Variants in MGST1 observed in about 807,000 individuals in gnomAD.
MGST1 encodes the protein microsomal glutathione S-transferase 1.
In MGST1, 5 loss-of-function variants were observed where a neutral mutation model predicts 8.9. The observed-to-expected ratio is 0.56, with a 90% CI of 0.29 to 1.19. MGST1 has a LOEUF of 1.19. MGST1 is among the 50% of genes most tolerant of loss of function. The pLI, the probability that MGST1 is intolerant of heterozygous loss-of-function variation, is 0.08. For synonymous variants in MGST1, 54 were observed against 67.8 expected (o/e 0.80, Z 1.00); for missense variants, 182 against 187.4 (o/e 0.97, Z 0.17).
rs151253685 is a variant in MGST1, at chr12:16,357,152, T to G, written c.127-453T>G. Among the ~76,000 whole-genome samples, 9 of 152,368 alleles carry G rather than the reference T, an allele frequency of 5.9e-5. No homozygotes were observed. In the East Asian group the frequency reaches 1.7e-3, roughly 29 times the overall value. ...TAACTATAGATGCCTTCTTCTCCTC[T>G]TGTGTTTGATTTATTGCTCCAAATG... On this transcript the variant is annotated intron_variant, in intron 2 of 3. Transcript: ENST00000396210.
intron 1 of MGST1, chr12:16,402,374 C>G: frequency 6.2e-7 from 1 of 1,604,276 alleles, no homozygotes; most frequent in Non-Finnish European, 8.5e-7. Context: ...GCTGTACAGT[C>G]TCTTCACTCA....
At chr12:16,505,594 G>A (rs1941533073) in intron 4 of MGST1, among the ~76,000 whole-genome samples, 1 of 152,064 alleles carries the variant, frequency 6.6e-6, no homozygotes, top group East Asian at 1.9e-4. Context: ...GCAATTTCAT[G>A]GAATCATTTC....
At chr12:16,409,369 CAG>C (rs1282506889) in intron 1 of MGST1, among the ~76,000 whole-genome samples, 1 of 152,066 alleles carries the variant, frequency 6.6e-6, no homozygotes, top group Admixed American at 6.6e-5. Context: ...GATCAGAAAA[CAG>C]AGCCTTTATT....
intron 4 of MGST1, among the ~76,000 whole-genome samples, chr12:16,466,821 C>T (rs1409445983): frequency 6.6e-6 from 1 of 152,128 alleles, no homozygotes; most frequent in Non-Finnish European, 1.5e-5. Context: ...TGGCCTCAAA[C>T]TTTGAACACT....
chr12:16,512,747 A>G (rs1163559430), intron 4 of MGST1, among the ~76,000 whole-genome samples: 1 of 152,260 alleles, frequency 6.6e-6, no homozygotes, highest in Non-Finnish European at 1.5e-5. Flanking sequence ...CTTGTCTATT[A>G]CATAAATAAA....
rs1300711639 is a variant in MGST1, at chr12:16,560,513, C to T, written n.483-29015C>T. The T allele has an allele frequency of 3.1e-6, 5 of 1,612,906 alleles. No individual in the cohort carries two copies. Among genetic ancestry groups the T allele is most frequent in the African/African-American group, 1.3e-5 (1 of 74,738 alleles). On this transcript the variant is annotated intron_variant and non_coding_transcript_variant, in intron 4 of 4. Coordinates refer to the MGST1 transcript ENST00000538857. The surrounding 1 kb of genome is among the most constrained non-coding windows in gnomAD (Gnocchi z 5.0). ...GCAGGGATGAGCTTACTACAGGCAG[C>T]GCAGTTTCCCGTTACACCAAAGAGC...
At position 16,363,550 on chromosome 12, in the gene MGST1, C is replaced by T. The variant is rs990181542; in HGVS notation, c.222-245C>T. On this transcript the variant is annotated intron_variant, in intron 3 of 3. Transcript: ENST00000396210. The surrounding 1 kb of genome is among the most constrained non-coding windows in gnomAD (Gnocchi z 4.6). ...AGATGTCGTTTTGATATTCTAGGAA[C>T]TACAAAATGCCTTCTGTGATATTTA... The T allele has an allele frequency of 1.8e-5, 5 of 272,526 alleles. No homozygotes were observed. Among genetic ancestry groups the T allele is most frequent in the Non-Finnish European group, 3.4e-5 (5 of 146,528 alleles). 16.9% of individuals were successfully genotyped at this position (272,526 alleles called of 1,614,324 possible).
chr12:16,532,308 G>A (rs1436185256), intron 4 of MGST1, among the ~76,000 whole-genome samples: 1 of 152,014 alleles, frequency 6.6e-6, no homozygotes, highest in Non-Finnish European at 1.5e-5. Flanking sequence ...CATAAAAAAC[G>A]CCAAGGCCAG....
At chr12:16,480,121 TTAAAA>T (rs1941354665) in intron 4 of MGST1, among the ~76,000 whole-genome samples, 1 of 151,506 alleles carries the variant, frequency 6.6e-6, no homozygotes, top group Non-Finnish European at 1.5e-5. Flanking sequence ...CTGGATTTCA[TTAAAA>T]TAAAATAAAA....
downstream of MGST1, among the ~76,000 whole-genome samples, chr12:16,366,228 A>G (rs1940185464): frequency 6.6e-6 from 1 of 152,246 alleles, no homozygotes; most frequent in South Asian, 2.1e-4. The surrounding 1 kb of genome is among the most constrained non-coding windows in gnomAD (Gnocchi z 4.0). Flanking sequence ...GCAAAAGTCT[A>G]GGGATTACCC....
At chr12:16,531,067 G>A (rs1265634126) in intron 4 of MGST1, among the ~76,000 whole-genome samples, 3 of 148,550 alleles carry the variant, frequency 2.0e-5, no homozygotes, top group African/African-American at 7.5e-5. Context: ...GAATAGTGGT[G>A]CTTTTAGTAG....
At chr12:16,464,989 C>CTGTTATAG (rs1941243839) in intron 4 of MGST1, among the ~76,000 whole-genome samples, 1 of 152,144 alleles carries the variant, frequency 6.6e-6, no homozygotes, top group African/African-American at 2.4e-5. Context: ...GTTGTTTATA[C>CTGTTATAG]TTGGAATAAC....
chr12:16,399,971 T>C (rs1001508750), intron 1 of MGST1: 2 of 1,367,956 alleles, frequency 1.5e-6, no homozygotes, highest in African/African-American at 2.9e-5. Flanking sequence ...GCACTACTAG[T>C]GGGCTGAAGG....
rs1941879409 is a variant in MGST1, at chr12:16,548,746, T to C, written n.483-40782T>C. 6.6e-6 allele frequency: 1 copy of C among 152,160 alleles called. No individual in the cohort carries two copies. The highest frequency in any genetic ancestry group is 1.5e-5 in the Non-Finnish European group (1 of 68,026). The allele number at this position is 152,160 out of a possible 1,614,324, so 9.4% of individuals were successfully genotyped here. A position where few individuals can be genotyped will look rare whatever the true frequency, so the allele number is the denominator to read the frequency against. On this transcript the variant is annotated intron_variant and non_coding_transcript_variant, in intron 4 of 4. Transcript: ENST00000538857. The surrounding 1 kb of genome is among the most constrained non-coding windows in gnomAD (Gnocchi z 4.2). ...TCAGGTCAATAAATGCTACAATTTA[T>C]GGGCAATTAGCTGTAAAATGGCCTA...
At chr12:16,353,852 C>T (rs562034469) in intron 1 of MGST1, among the ~76,000 whole-genome samples, 13 of 151,346 alleles carry the variant, frequency 8.6e-5, no homozygotes, top group South Asian at 6.3e-4. Context: ...CTCCGCCTCC[C>T]GGATTTAAGC....
intron 4 of MGST1, among the ~76,000 whole-genome samples, chr12:16,483,214 A>AT (rs919756916): frequency 5.3e-5 from 8 of 151,922 alleles, no homozygotes; most frequent in East Asian, 1.9e-4. Flanking sequence ...TCATTAAGAG[A>AT]TTTTTTCAAG....
exon 1 of MGST1, chr12:16,383,426 T>A (rs538222263): frequency 2.0e-5 from 3 of 152,274 alleles, no homozygotes; most frequent in African/African-American, 7.2e-5. Context: ...ATTTATATAT[T>A]TTTTTCCAAG....
intron 4 of MGST1, among the ~76,000 whole-genome samples, chr12:16,443,937 T>C (rs1941058307): frequency 6.6e-6 from 1 of 151,950 alleles, no homozygotes; most frequent in Admixed American, 6.6e-5. Flanking sequence ...GATAGGAGGA[T>C]CCAAAAGTTG....
At chr12:16,573,562 G>T (rs1315665852) in intron 4 of MGST1, 1 of 152,184 alleles carries the variant, frequency 6.6e-6, no homozygotes, top group African/African-American at 2.4e-5. Flanking sequence ...GCAGTTAAAA[G>T]AAGATACTGG....
Sources: allele counts gnomAD v4.1 joint callset (sites outside exome capture counted in the v4.1 genomes callset), GRCh38; gene constraint gnomAD v4.1.1; non-coding constraint Gnocchi (gnomAD v3.1); transcripts MANE v1.5; gene names NCBI Gene and HGNC (gene_info 2026-07-23, HGNC 2026-07-21).